The following LHFPL3 variants were observed in gnomAD, a reference collection of about 807,000 sequenced individuals.
The protein encoded by LHFPL3 is LHFPL tetraspan subfamily member 3.
In LHFPL3, 5 loss-of-function variants were observed where a neutral mutation model predicts 19.3. The observed-to-expected ratio is 0.26, with a 90% CI of 0.14 to 0.54. The LOEUF (loss-of-function observed/expected upper bound fraction) is 0.54, where lower values mean the gene tolerates loss of function less well. Ranked by LOEUF, LHFPL3 falls within the 20% of genes least tolerant of loss-of-function variation. LHFPL3 has a pLI of 0.94. For missense variants in LHFPL3, 249 were observed against 307.4 expected, an observed-to-expected ratio of 0.81 and a Z score of 1.42; for synonymous variants, 133 against 126.2, an observed-to-expected ratio of 1.05 and a Z score of -0.36.
At chr7:104,683,959 A>G (rs1199326375) in intron 1 of LHFPL3, among the ~76,000 whole-genome samples, 2 of 152,204 alleles carry the variant, frequency 1.3e-5, no homozygotes, top group Non-Finnish European at 1.5e-5. Flanking sequence ...GTGAAAAGGC[A>G]TATCTGTATT....
chr7:104,389,614 ACTACAAAG>A (rs1424028054), intron 1 of LHFPL3, among the ~76,000 whole-genome samples: 1 of 152,218 alleles, frequency 6.6e-6, no homozygotes. Flanking sequence ...TGCAAAACTT[ACTACAAAG>A]CTACATTATT....
At chr7:104,508,455 A>AT (rs1793743637) in intron 1 of LHFPL3, among the ~76,000 whole-genome samples, 1 of 88,664 alleles carries the variant, frequency 1.1e-5, no homozygotes, top group South Asian at 4.1e-4. Context: ...TCTGGGGACT[A>AT]TTGTGGGGTG....
At chr7:104,457,527 GGGTT>G (rs1002800346) in intron 1 of LHFPL3, among the ~76,000 whole-genome samples, 7 of 151,392 alleles carry the variant, frequency 4.6e-5, no homozygotes, top group Admixed American at 3.3e-4. Flanking sequence ...TTGGACATTT[GGGTT>G]GGTTCCAAGT....
At chr7:104,426,559 G>A (rs1443962143) in intron 1 of LHFPL3, among the ~76,000 whole-genome samples, 1 of 152,048 alleles carries the variant, frequency 6.6e-6, no homozygotes, top group African/African-American at 2.4e-5. Context: ...CCTGGCTGGT[G>A]TTCTACACTA....
At chr7:104,493,567 T>G (rs2115701198) in intron 1 of LHFPL3, among the ~76,000 whole-genome samples, 1 of 152,272 alleles carries the variant, frequency 6.6e-6, no homozygotes, top group East Asian at 1.9e-4. Flanking sequence ...CAGCCTCTCC[T>G]GCTATATTGC....
At chr7:104,552,712 T>A (rs1252387160) in intron 1 of LHFPL3, among the ~76,000 whole-genome samples, 1 of 152,230 alleles carries the variant, frequency 6.6e-6, no homozygotes, top group African/African-American at 2.4e-5. Flanking sequence ...GAAATGTGTA[T>A]ATATGTAAAT....
At chr7:104,426,854 G>T (rs1226562263) in intron 1 of LHFPL3, among the ~76,000 whole-genome samples, 2 of 152,096 alleles carry the variant, frequency 1.3e-5, no homozygotes, top group African/African-American at 4.8e-5. Context: ...ATTGTCAACT[G>T]TAGTCTTCTT....
intron 1 of LHFPL3, among the ~76,000 whole-genome samples, chr7:104,395,001 T>C (rs908611094): frequency 6.6e-6 from 1 of 152,002 alleles, no homozygotes. Flanking sequence ...GCCAGGCTGC[T>C]AGTCGTCATT....
intron 1 of LHFPL3, among the ~76,000 whole-genome samples, chr7:104,567,200 T>A (rs1776159781): frequency 2.0e-5 from 3 of 152,270 alleles, no homozygotes; most frequent in African/African-American, 7.2e-5. Context: ...CTCATATTTT[T>A]ATAAATTTCA....
chr7:104,686,274 C>T (rs1792803581), intron 1 of LHFPL3, among the ~76,000 whole-genome samples: 1 of 152,180 alleles, frequency 6.6e-6, no homozygotes, highest in Non-Finnish European at 1.5e-5. Context: ...AGACTGACCC[C>T]AGCCTGCCTC....
At chr7:104,440,193 C>T (rs1025198090) in intron 1 of LHFPL3, among the ~76,000 whole-genome samples, 9 of 150,576 alleles carry the variant, frequency 6.0e-5, no homozygotes, top group African/African-American at 2.2e-4. Flanking sequence ...TAAAAAAATA[C>T]AAAGCCATAC....
chr7:104,362,993 T>A (rs1790419413), intron 1 of LHFPL3, among the ~76,000 whole-genome samples: 1 of 152,258 alleles, frequency 6.6e-6, no homozygotes, highest in Admixed American at 6.5e-5. Flanking sequence ...AATGCTAATG[T>A]TCTCTATAGG....
intron 2 of LHFPL3, among the ~76,000 whole-genome samples, chr7:104,835,844 T>C (rs546016428): frequency 1.3e-5 from 2 of 152,078 alleles, no homozygotes; most frequent in South Asian, 4.1e-4. Context: ...CTATGGTGGT[T>C]TGCTGCACTT....
At chr7:104,750,731 G>T (rs1481808662) in intron 2 of LHFPL3, among the ~76,000 whole-genome samples, 1 of 152,180 alleles carries the variant, frequency 6.6e-6, no homozygotes, top group African/African-American at 2.4e-5. Flanking sequence ...GTGGTAACTG[G>T]CTTATTCCCT....
chr7:104,491,683 TAGG>T (rs954104658), intron 1 of LHFPL3, among the ~76,000 whole-genome samples: 6 of 152,126 alleles, frequency 3.9e-5, no homozygotes, highest in African/African-American at 1.4e-4. Flanking sequence ...AATGTGCAGG[TAGG>T]AGGAGAGCAG....
Position 104,488,224 on chromosome 7 carries a change from T to G in LHFPL3, c.445+159000T>G, listed in dbSNP as rs530024314. ...GCAGCTCCTAAGTGAACTTGATTGC[T>G]TTTGGCAACACTTACAAATATTTTG... On this transcript the variant is annotated intron_variant, in intron 1 of 2. Transcript: ENST00000424859. Among the ~76,000 whole-genome samples the G allele has an allele frequency of 1.5e-4, 23 of 152,318 alleles. No homozygotes were observed. The East Asian group carries it at 4.4e-3, about 29-fold the overall frequency.
chr7:104,884,284 C>T lies in LHFPL3; in HGVS notation c.683-21903C>T, dbSNP rs146482603. Among the ~76,000 whole-genome samples, 584 of 152,222 alleles carry T rather than the reference C, an allele frequency of 3.8e-3. 3 individuals carry two copies. Among genetic ancestry groups the T allele is most frequent in the African/African-American group, 0.013 (553 of 41,532 alleles). ...TCCCCCTTCCTCTTTCCTTCCACTTCGTTCTCTGTTTAGTTCAAAGGCCTT... is the reference window on the plus strand; with the variant it reads ...TCCCCCTTCCTCTTTCCTTCCACTTTGTTCTCTGTTTAGTTCAAAGGCCTT... On this transcript the variant is annotated intron_variant, in intron 2 of 2. Coordinates refer to ENST00000424859, the MANE Select transcript of LHFPL3 (RefSeq NM_199000.3).
intron 2 of LHFPL3, among the ~76,000 whole-genome samples, chr7:104,851,249 A>G (rs1791410065): frequency 6.6e-6 from 1 of 152,208 alleles, no homozygotes; most frequent in African/African-American, 2.4e-5. Flanking sequence ...AGAAATATGA[A>G]TTAGTGAGAG....
At chr7:104,890,377 T>A (rs1267578885) in intron 2 of LHFPL3, among the ~76,000 whole-genome samples, 1 of 152,196 alleles carries the variant, frequency 6.6e-6, no homozygotes, top group East Asian at 1.9e-4. Flanking sequence ...GTCCTGTGCA[T>A]CTTAATCTTT....
Sources: gnomAD v4.1 joint callset for allele counts (sites outside exome capture counted in the v4.1 genomes callset) on GRCh38, gnomAD v4.1.1 for gene constraint, MANE v1.5 for transcripts, NCBI Gene and HGNC (gene_info 2026-07-23, HGNC 2026-07-21) for gene names.